Variants in OR7A17 observed in about 807,000 individuals in gnomAD.
OR7A17 encodes the protein olfactory receptor family 7 subfamily A member 17, also known as olfactory receptor 7A17.
For synonymous variants in OR7A17, 159 were observed against 142.1 expected, an observed-to-expected ratio of 1.12 and a Z score of -0.85; for missense variants, 366 against 365.5, an observed-to-expected ratio of 1.00 and a Z score of -0.01.
Position 14,880,547 on chromosome 19 carries a change from G to A in OR7A17, c.809C>T (p.Thr270Ile). 6.2e-7 allele frequency: 1 copy of A among 1,614,166 alleles called. No individual in the cohort carries two copies. Among genetic ancestry groups the A allele is most frequent in the Non-Finnish European group, 8.5e-7 (1 of 1,180,032 alleles). Residue 270 changes from threonine to isoleucine, a missense_variant, in exon 3 of 3, where the codon ACA (threonine) becomes ATA (isoleucine). Transcript: ENST00000641113. ...LTSAATHNSHTSATASVMYTV... is the reference protein window; with the variant it reads ...LTSAATHNSHISATASVMYTV... ...GTACATCACTGAGGCTGTTGCACTT[G>A]TGTGTGAGTTGTGGGTTGCAGCAGA... is the stretch of plus-strand genomic sequence containing the variant.
At chr19:14,882,909 A>G (rs1327221322) in intron 1 of OR7A17, among the ~76,000 whole-genome samples, 1 of 152,264 alleles carries the variant, frequency 6.6e-6, no homozygotes, top group Non-Finnish European at 1.5e-5. Context: ...ACTGTTAGAA[A>G]GAAACGAATA....
At chr19:14,883,423 A>T (rs2045121805) in intron 1 of OR7A17, among the ~76,000 whole-genome samples, 1 of 152,060 alleles carries the variant, frequency 6.6e-6, no homozygotes, top group African/African-American at 2.4e-5. Context: ...CTGGGCAACA[A>T]GAGCGAAACT....
At position 14,879,943 on chromosome 19, in the gene OR7A17, G is replaced by A. The variant is rs913391986; in HGVS notation, c.*483C>T. 1 of 152,316 alleles carries A rather than the reference G, an allele frequency of 6.6e-6. No individual in the cohort carries two copies. Among genetic ancestry groups the A allele is most frequent in the Non-Finnish European group, 1.5e-5 (1 of 68,270 alleles). The allele number at this position is 152,316 out of a possible 1,614,324, so 9.4% of individuals were successfully genotyped here. ...CATCTAAAAAAATAAATGCCATGATGAGCTAAAATGCACACTCGTGTGGGG... is the reference window on the plus strand; with the variant it reads ...CATCTAAAAAAATAAATGCCATGATAAGCTAAAATGCACACTCGTGTGGGG... On this transcript the variant is annotated 3_prime_UTR_variant, in exon 3 of 3. Transcript: ENST00000641113.
At chr19:14,885,478 C>T (rs2045131730) in intron 1 of OR7A17, among the ~76,000 whole-genome samples, 2 of 152,088 alleles carry the variant, frequency 1.3e-5, no homozygotes, top group African/African-American at 4.8e-5. Flanking sequence ...TCCTATACAG[C>T]AATAATAGAC....
At position 14,880,540 on chromosome 19, in the gene OR7A17, T is replaced by G. The variant is rs750658803; in HGVS notation, c.816A>C (p.Ala272=). Residue 272 remains alanine (A), a synonymous_variant, in exon 3 of 3, where the codon GCA becomes GCC. Transcript: ENST00000641113. ...CCACAGTGTACATCACTGAGGCTGT[T>G]GCACTTGTGTGTGAGTTGTGGGTTG... The part of the protein sequence containing the change: ...SAATHNSHTS[A]TASVMYTVAT... 6.2e-7 allele frequency: 1 copy of G among 1,614,176 alleles called. No individual in the cohort carries two copies. Among genetic ancestry groups the G allele is most frequent in the Non-Finnish European group, 8.5e-7 (1 of 1,180,024 alleles).
intron 1 of OR7A17, among the ~76,000 whole-genome samples, chr19:14,882,378 A>G (rs2045116602): frequency 6.6e-6 from 1 of 152,258 alleles, no homozygotes; most frequent in South Asian, 2.1e-4. Context: ...AACTGAACAG[A>G]GAGCAGAATG....
Position 14,878,262 on chromosome 19 carries a change from G to A in OR7A17, c.*2164C>T, listed in dbSNP as rs2045089254. 6.6e-6 allele frequency: 1 copy of A among 152,152 alleles called. No individual in the cohort carries two copies. Among genetic ancestry groups the A allele is most frequent in the Admixed American group, 6.5e-5 (1 of 15,284 alleles). The allele number at this position is 152,152 out of a possible 1,614,324, so 9.4% of individuals were successfully genotyped here. On this transcript the variant is annotated 3_prime_UTR_variant, in exon 3 of 3. Transcript: ENST00000641113. ...ATTTTGAAAGAACGTGTATGTATTTGTAGATATAAATTGTGATTCTGATTC... is the reference window on the plus strand; with the variant it reads ...ATTTTGAAAGAACGTGTATGTATTTATAGATATAAATTGTGATTCTGATTC...
chr19:14,882,270 A>G (rs2045116232), intron 1 of OR7A17, among the ~76,000 whole-genome samples: 1 of 152,242 alleles, frequency 6.6e-6, no homozygotes, highest in Non-Finnish European at 1.5e-5. Context: ...GAACAAATAC[A>G]TATATACTAT....
intron 1 of OR7A17, among the ~76,000 whole-genome samples, chr19:14,884,292 A>G (rs10401363): frequency 6.6e-6 from 1 of 152,130 alleles, no homozygotes; most frequent in Non-Finnish European, 1.5e-5. Context: ...TAAATATTTC[A>G]TTAACAGTCA....
Position 14,880,946 on chromosome 19 carries a change from T to C in OR7A17, c.410A>G (p.Asn137Ser). 1.2e-6 allele frequency: 2 copies of C among 1,613,946 alleles called. No individual in the cohort carries two copies. The highest frequency in any genetic ancestry group is 8.5e-7 in the Non-Finnish European group (1 of 1,179,962). ...AACCAGGAGTCCACAGAGCCGAGGG[T>C]TCATGATGACTGTGTAGTGCAGAGG... The part of the protein sequence containing the change: ...CHPLHYTVIM[N>S]PRLCGLLVLA... Residue 137 changes from asparagine (N) to serine (S), a missense_variant, in exon 3 of 3, where the codon AAC (asparagine) becomes AGC (serine). Asn to Ser is a conservative substitution (Grantham distance 46, BLOSUM62 1). Coordinates refer to ENST00000641113, the MANE Select transcript of OR7A17 (RefSeq NM_030901.2).
rs1040387894 is a variant in OR7A17 at position 14,880,568 on chromosome 19, G to A, written c.788C>T (p.Ala263Val). ...CTGLGVYLTSAATHNSHTSAT... is the reference protein window; with the variant it reads ...CTGLGVYLTSVATHNSHTSAT... Reference sequence around the variant, plus strand: ...ACTTGTGTGTGAGTTGTGGGTTGCAGCAGAAGTAAGGTACACACCTAGGCC... The same window carrying A: ...ACTTGTGTGTGAGTTGTGGGTTGCAACAGAAGTAAGGTACACACCTAGGCC... Residue 263 changes from alanine (A) to valine (V), a missense_variant, in exon 3 of 3, where the codon GCT becomes GTT. Coordinates refer to ENST00000641113, the MANE Select transcript of OR7A17 (RefSeq NM_030901.2). 5.0e-6 allele frequency: 8 copies of A among 1,614,182 alleles called. No individual in the cohort carries two copies. In the East Asian group the frequency reaches 1.8e-4, roughly 36 times the overall value.
rs1488737642 is a variant in OR7A17, at chr19:14,880,351, G to A, written c.*75C>T. 4.6e-6 allele frequency: 6 copies of A among 1,308,352 alleles called. No individual in the cohort carries two copies. The highest frequency in any genetic ancestry group is 6.3e-6 in the Non-Finnish European group (6 of 951,576). 81.0% of individuals were successfully genotyped at this position (1,308,352 alleles called of 1,614,324 possible). A position where few individuals can be genotyped will look rare whatever the true frequency, so the allele number is the denominator to read the frequency against. On this transcript the variant is annotated 3_prime_UTR_variant, in exon 3 of 3. Transcript: ENST00000641113. ...GGAGCAAATTCCACTTTCACAACCTGATTCGTGAATCACAATTTCTGAGTA... is the reference window on the plus strand; with the variant it reads ...GGAGCAAATTCCACTTTCACAACCTAATTCGTGAATCACAATTTCTGAGTA...
In OR7A17 at chr19:14,880,901, G is replaced by A. The variant is rs770104964; in HGVS notation, c.455C>T (p.Ala152Val). 8.7e-6 allele frequency: 14 copies of A among 1,614,026 alleles called. No individual in the cohort carries two copies. The East Asian group carries it at 2.9e-4, about 33-fold the overall frequency. ...GCTTTGTGACAAGGAATTCAGGGCA[G>A]CAATCATCCAGGATGCCAGAACCAG... ...GLLVLASWMIAALNSLSQSLM... is the reference protein window; with the variant it reads ...GLLVLASWMIVALNSLSQSLM... Residue 152 changes from alanine to valine, a missense_variant, in exon 3 of 3, where the codon GCT becomes GTT. Physicochemically the swap from Ala to Val is moderately conservative, Grantham distance 64. Coordinates refer to ENST00000641113, the MANE Select transcript of OR7A17 (RefSeq NM_030901.2).
intron 1 of OR7A17, among the ~76,000 whole-genome samples, chr19:14,884,232 A>T (rs924908396): frequency 6.6e-6 from 1 of 152,216 alleles, no homozygotes; most frequent in Non-Finnish European, 1.5e-5. Flanking sequence ...AAGTAGACAT[A>T]TTTTTAGGTA....
Position 14,881,410 on chromosome 19 carries a change from A to C in OR7A17, c.-55T>G. On this transcript the variant is annotated 5_prime_UTR_variant, in exon 3 of 3. It removes an upstream start codon present in the reference 5' UTR. Transcript: ENST00000641113. ...TTTATTTATTTATTTATTTATTAACATAGACAGGGTCTCTCACTCTGTTGC... is the reference window on the plus strand; with the variant it reads ...TTTATTTATTTATTTATTTATTAACCTAGACAGGGTCTCTCACTCTGTTGC... The C allele has an allele frequency of 1.0e-6, 1 of 954,434 alleles. No homozygotes were observed. Among genetic ancestry groups the C allele is most frequent in the Non-Finnish European group, 1.3e-6 (1 of 747,296 alleles). The allele number at this position is 954,434 out of a possible 1,614,324, so 59.1% of individuals were successfully genotyped here.
At chr19:14,882,450 G>A (rs2045117020) in intron 1 of OR7A17, among the ~76,000 whole-genome samples, 1 of 152,252 alleles carries the variant, frequency 6.6e-6, no homozygotes, top group Non-Finnish European at 1.5e-5. Context: ...GGAAGGCTCA[G>A]TGGAAGACTT....
intron 1 of OR7A17, among the ~76,000 whole-genome samples, chr19:14,884,180 G>A (rs2045125850): frequency 1.3e-5 from 2 of 152,144 alleles, no homozygotes; most frequent in African/African-American, 4.8e-5. Flanking sequence ...AGATCTTAGT[G>A]TAGACAAAGT....
rs1555698862 is a variant in OR7A17, at chr19:14,881,366, C to CTACTTATT, written c.-12_-11insAATAAGTA. On this transcript the variant is annotated 5_prime_UTR_variant, in exon 3 of 3. Coordinates refer to ENST00000641113, the MANE Select transcript of OR7A17 (RefSeq NM_030901.2). ...ATTCTCTGGTTCCATCTTTTTTTTT[C>CTACTTATT]TATTTATTTATTTATTTATTTATTT... 1,181 of 1,018,324 alleles carry CTACTTATT rather than the reference C, an allele frequency of 1.2e-3. 23 individuals are homozygous for CTACTTATT. In the African/African-American group the frequency reaches 0.02, roughly 17 times the overall value. The allele number at this position is 1,018,324 out of a possible 1,614,324, so 63.1% of individuals were successfully genotyped here. A position where few individuals can be genotyped will look rare whatever the true frequency, so the allele number is the denominator to read the frequency against.
At chr19:14,884,263 A>G (rs761347291) in intron 1 of OR7A17, among the ~76,000 whole-genome samples, 5 of 152,208 alleles carry the variant, frequency 3.3e-5, no homozygotes, top group Non-Finnish European at 5.9e-5. Context: ...AAAACTTTTT[A>G]TGACCAAAAA....
Sources: allele counts gnomAD v4.1 joint callset (sites outside exome capture counted in the v4.1 genomes callset), GRCh38; gene constraint gnomAD v4.1.1; transcripts MANE v1.5; gene names NCBI Gene and HGNC (gene_info 2026-07-23, HGNC 2026-07-21).